HCRTR2: variants seen among roughly 807,000 people sequenced by gnomAD.
The protein encoded by HCRTR2 is hypocretin receptor 2.
HCRTR2 carries 22 observed loss-of-function variants against 49.0 expected under a neutral mutation model. That is an observed-to-expected ratio of 0.45 (90% CI 0.32 to 0.64). The LOEUF (loss-of-function observed/expected upper bound fraction) is 0.64, where lower values mean the gene tolerates loss of function less well. Ranked by LOEUF, HCRTR2 falls within the 30% of genes least tolerant of loss-of-function variation. HCRTR2 has a pLI of 0.04. For missense variants in HCRTR2, 491 were observed against 559.4 expected (o/e 0.88, Z 1.23); for synonymous variants, 236 against 205.3 (o/e 1.15, Z -1.28).
At chr6:55,171,533 T>C (rs141459637), upstream of HCRTR2, among the ~76,000 whole-genome samples, 82 of 152,314 alleles carry the variant, frequency 5.4e-4, 1 homozygote, top group East Asian at 0.016. Context: ...TTATAATATT[T>C]ATTATCTATG....
At chr6:55,115,353 C>T (rs1328693497) in intron 1 of HCRTR2, among the ~76,000 whole-genome samples, 1 of 151,614 alleles carries the variant, frequency 6.6e-6, no homozygotes, top group African/African-American at 2.4e-5. Context: ...TCAATCAGGC[C>T]AAGTTCAAGT....
At chr6:55,243,332 A>C (rs1766370292) in intron 1 of HCRTR2, among the ~76,000 whole-genome samples, 1 of 152,128 alleles carries the variant, frequency 6.6e-6, no homozygotes, top group Non-Finnish European at 1.5e-5. Flanking sequence ...ATTGACTTTA[A>C]TATTGGTGTT....
At position 55,277,030 on chromosome 6, in the gene HCRTR2, T is replaced by C. The variant is rs1767089251; in HGVS notation, c.763-350T>C. Among the ~76,000 whole-genome samples, 5 of 152,316 alleles carry C rather than the reference T, an allele frequency of 3.3e-5. No homozygotes were observed. The South Asian group carries it at 1.0e-3, about 32-fold the overall frequency. ...CTGCTTTAAACTTTGGTATCTGAGC[T>C]GAACAAAAATTCCTAATAAGATAAT... On this transcript the variant is annotated intron_variant, in intron 4 of 6. Transcript: ENST00000370862.
At chr6:55,128,179 G>A (rs1023571886) in intron 1 of HCRTR2, among the ~76,000 whole-genome samples, 7 of 152,204 alleles carry the variant, frequency 4.6e-5, no homozygotes, top group Admixed American at 3.3e-4. Flanking sequence ...TGAATAGGGA[G>A]CCCTTTCCCC....
intron 1 of HCRTR2, among the ~76,000 whole-genome samples, chr6:55,132,682 G>A (rs1764375058): frequency 2.0e-5 from 3 of 151,562 alleles, no homozygotes; most frequent in Non-Finnish European, 3.0e-5. Context: ...CATGGTTAGG[G>A]AGCAAAGGAA....
At chr6:55,116,209 T>G (rs2127612156) in intron 1 of HCRTR2, among the ~76,000 whole-genome samples, 1 of 151,824 alleles carries the variant, frequency 6.6e-6, no homozygotes, top group South Asian at 2.1e-4. Context: ...TTCTTTTATT[T>G]ATAAGAAATG....
At chr6:55,189,688 G>A (rs1229625372) in intron 1 of HCRTR2, among the ~76,000 whole-genome samples, 1 of 152,012 alleles carries the variant, frequency 6.6e-6, no homozygotes, top group Non-Finnish European at 1.5e-5. Context: ...AAGCATGTGG[G>A]ACTTAATACC....
intron 1 of HCRTR2, among the ~76,000 whole-genome samples, chr6:55,203,285 A>C (rs561913742): frequency 5.3e-5 from 8 of 152,214 alleles, no homozygotes; most frequent in African/African-American, 1.7e-4. Flanking sequence ...CTCAAAGAAT[A>C]GCTTAATTTT....
At position 55,178,225 on chromosome 6, in the gene HCRTR2, T is replaced by A. The variant is rs1249345653; in HGVS notation, c.223+3415T>A. ...CTAGTCAGTTTAAACATTAAGTACC[T>A]AGGGAAAATGATCAATTTTCTGCTT... On this transcript the variant is annotated intron_variant, in intron 1 of 6. Transcript: ENST00000370862. Among the ~76,000 whole-genome samples the A allele has an allele frequency of 2.0e-5, 3 of 152,210 alleles. No homozygotes were observed. In the East Asian group the frequency reaches 5.8e-4, roughly 29 times the overall value.
chr6:55,212,502 G>C (rs906369639), intron 1 of HCRTR2, among the ~76,000 whole-genome samples: 4 of 152,126 alleles, frequency 2.6e-5, no homozygotes, highest in Non-Finnish European at 5.9e-5. Context: ...AAGCATCTAA[G>C]AAAGATTTTG....
intron 1 of HCRTR2, among the ~76,000 whole-genome samples, chr6:55,220,011 T>A (rs1186466319): frequency 6.6e-6 from 1 of 152,046 alleles, no homozygotes. Flanking sequence ...ATACAGAATC[T>A]GAACAGATCT....
intron 5 of HCRTR2, among the ~76,000 whole-genome samples, chr6:55,278,725 T>A (rs149276979): frequency 1.9e-3 from 246 of 131,686 alleles, no homozygotes; most frequent in Middle Eastern, 0.015. Context: ...TTGCTTCTTA[T>A]TAATTATTAT....
At chr6:55,113,904 T>G (rs1160649139) in intron 1 of HCRTR2, among the ~76,000 whole-genome samples, 2 of 151,834 alleles carry the variant, frequency 1.3e-5, no homozygotes, top group African/African-American at 4.8e-5. Context: ...CAAATGCCCA[T>G]GAACCAGCAG....
chr6:55,155,345 A>G (rs1194525817), intron 1 of HCRTR2, among the ~76,000 whole-genome samples: 1 of 151,872 alleles, frequency 6.6e-6, no homozygotes, highest in Admixed American at 6.6e-5. Context: ...CTGGTTCCTA[A>G]TTTTTACTTG....
intron 1 of HCRTR2, among the ~76,000 whole-genome samples, chr6:55,209,996 A>G (rs1765669502): frequency 6.6e-6 from 1 of 152,154 alleles, no homozygotes; most frequent in South Asian, 2.1e-4. Flanking sequence ...TACCTTGGTC[A>G]AGTTTGTAAA....
intron 1 of HCRTR2, among the ~76,000 whole-genome samples, chr6:55,123,294 T>A (rs1764227604): frequency 6.6e-6 from 1 of 152,024 alleles, no homozygotes; most frequent in African/African-American, 2.4e-5. Flanking sequence ...TTTTGAGACA[T>A]GTTCCATCAA....
intron 4 of HCRTR2, among the ~76,000 whole-genome samples, chr6:55,264,112 C>A (rs1182930118): frequency 6.6e-6 from 1 of 151,900 alleles, no homozygotes; most frequent in Non-Finnish European, 1.5e-5. Flanking sequence ...AATTTAACAT[C>A]TGTGATTAAT....
intron 1 of HCRTR2, among the ~76,000 whole-genome samples, chr6:55,197,977 T>C (rs572626024): frequency 6.6e-6 from 1 of 152,284 alleles, no homozygotes; most frequent in South Asian, 2.1e-4. Flanking sequence ...TAACTCTAAT[T>C]GTAAACCTAA....
chr6:55,205,444 G>A (rs567818997), intron 1 of HCRTR2, among the ~76,000 whole-genome samples: 1 of 152,228 alleles, frequency 6.6e-6, no homozygotes, highest in African/African-American at 2.4e-5. Flanking sequence ...CTACTGATAA[G>A]TAAAGTGAAA....
Sources: gnomAD v4.1 joint callset for allele counts (sites outside exome capture counted in the v4.1 genomes callset) on GRCh38, gnomAD v4.1.1 for gene constraint, MANE v1.5 for transcripts, NCBI Gene and HGNC (gene_info 2026-07-23, HGNC 2026-07-21) for gene names.